GALNT13: variants seen among roughly 807,000 people sequenced by gnomAD.
The protein encoded by GALNT13 is UDP-GalNAc:polypeptide N-acetylgalactosaminyltransferase 13.
GALNT13 carries 28 observed loss-of-function variants against 64.2 expected under a neutral mutation model. That is an observed-to-expected ratio of 0.44 (90% CI 0.32 to 0.60). The LOEUF (loss-of-function observed/expected upper bound fraction) is 0.60. GALNT13 is among the 20% of genes least tolerant of loss of function. The pLI, the probability that GALNT13 is intolerant of heterozygous loss-of-function variation, is 0.05. For synonymous variants in GALNT13, 214 were observed against 224.6 expected (o/e 0.95, Z 0.42); for missense variants, 577 against 669.8 (o/e 0.86, Z 1.53).
At chr2:153,572,636 T>C in the GALNT13 span, among the ~76,000 whole-genome samples, 1 of 151,974 alleles carries the variant, frequency 6.6e-6, no homozygotes, top group African/African-American at 2.4e-5. Context: ...TTTGGTATGT[T>C]GTGTGTCTAT....
At chr2:153,426,376 A>C in the GALNT13 span, among the ~76,000 whole-genome samples, 6 of 151,980 alleles carry the variant, frequency 3.9e-5, no homozygotes, top group African/African-American at 1.4e-4. Flanking sequence ...CTAAATGATT[A>C]CTACCAAGTG....
At chr2:154,382,153 C>T (rs1698302538) in intron 9 of GALNT13, among the ~76,000 whole-genome samples, 1 of 152,042 alleles carries the variant, frequency 6.6e-6, no homozygotes, top group African/African-American at 2.4e-5. Flanking sequence ...CCTTCAGCTG[C>T]CCAATCCCCT....
the GALNT13 span, among the ~76,000 whole-genome samples, chr2:153,748,034 G>GT: frequency 2.6e-5 from 4 of 152,094 alleles, no homozygotes; most frequent in Non-Finnish European, 5.9e-5. Flanking sequence ...TATATGCATT[G>GT]TAAGTATATA....
the GALNT13 span, among the ~76,000 whole-genome samples, chr2:153,716,204 A>G: frequency 6.6e-6 from 1 of 152,202 alleles, no homozygotes; most frequent in African/African-American, 2.4e-5. Context: ...AGTTCCATGG[A>G]AGAGCTTTAG....
the GALNT13 span, among the ~76,000 whole-genome samples, chr2:153,373,442 C>T: frequency 0.051 from 7,781 of 152,204 alleles, 248 homozygotes; most frequent in African/African-American, 0.06. Context: ...TCCTGTGCCT[C>T]GCCATCTACC....
chr2:153,319,337 T>C, the GALNT13 span, among the ~76,000 whole-genome samples: 1 of 152,226 alleles, frequency 6.6e-6, no homozygotes, highest in Admixed American at 6.5e-5. Flanking sequence ...TGCAGTGCCA[T>C]GATCATGGCT....
chr2:153,291,562 C>A, the GALNT13 span, among the ~76,000 whole-genome samples: 1 of 152,104 alleles, frequency 6.6e-6, no homozygotes, highest in Non-Finnish European at 1.5e-5. Context: ...TCATCCCCAC[C>A]ACCATGCTGG....
intron 3 of GALNT13, among the ~76,000 whole-genome samples, chr2:153,997,442 TG>T (rs1235858478): frequency 6.6e-6 from 1 of 150,794 alleles, no homozygotes. Context: ...CTATTATAAA[TG>T]GGGTAACTTT....
At chr2:153,312,001 A>G in the GALNT13 span, among the ~76,000 whole-genome samples, 2 of 152,226 alleles carry the variant, frequency 1.3e-5, no homozygotes, top group Non-Finnish European at 2.9e-5. Context: ...AATGTGTATC[A>G]TTTGAATTTT....
the GALNT13 span, among the ~76,000 whole-genome samples, chr2:153,604,797 A>C: frequency 2.0e-4 from 30 of 152,140 alleles, no homozygotes; most frequent in Non-Finnish European, 3.2e-4. Context: ...TAGTTTTTCT[A>C]TTTACATAAA....
At chr2:153,614,788 T>C in the GALNT13 span, among the ~76,000 whole-genome samples, 1 of 152,104 alleles carries the variant, frequency 6.6e-6, no homozygotes, top group Admixed American at 6.6e-5. Flanking sequence ...ATGGGGTACA[T>C]GAGATGTTTT....
chr2:154,378,198 G>C (rs568722970), intron 9 of GALNT13, among the ~76,000 whole-genome samples: 1 of 152,144 alleles, frequency 6.6e-6, no homozygotes, highest in East Asian at 1.9e-4. Context: ...ACATTCAAGA[G>C]GTTCACTGGG....
Position 153,938,532 on chromosome 2 carries a change from T to C in GALNT13, c.-104-5862T>C, listed in dbSNP as rs557140482. On this transcript the variant is annotated intron_variant, in intron 2 of 12. Coordinates refer to ENST00000392825, the MANE Select transcript of GALNT13 (RefSeq NM_052917.4). ...CCTGTTTGCATGTAGAAGTGGAGTA[T>C]AGGAAAGTGAATTTAACTAGCCAGT... 5.3e-5 allele frequency among the ~76,000 whole-genome samples: 8 copies of C among 152,270 alleles called. No individual in the cohort carries two copies. The East Asian group carries it at 1.5e-3, about 29-fold the overall frequency.
chr2:153,385,958 CT>C, the GALNT13 span, among the ~76,000 whole-genome samples: 8 of 151,880 alleles, frequency 5.3e-5, no homozygotes, highest in African/African-American at 1.9e-4. Context: ...TGAAAATCCA[CT>C]TTTCTGGATT....
chr2:153,486,221 C>T, the GALNT13 span, among the ~76,000 whole-genome samples: 1 of 152,160 alleles, frequency 6.6e-6, no homozygotes, highest in African/African-American at 2.4e-5. Flanking sequence ...AGGTGTGAGC[C>T]ACCGTGCCCA....
chr2:153,089,671 TTTTC>T, the GALNT13 span, among the ~76,000 whole-genome samples: 5 of 152,106 alleles, frequency 3.3e-5, no homozygotes, highest in South Asian at 1.0e-3. Context: ...TTTAATTCTT[TTTTC>T]TTTGTCTCTG....
At chr2:154,119,024 G>GT (rs1558968417) in intron 3 of GALNT13, among the ~76,000 whole-genome samples, 1 of 151,930 alleles carries the variant, frequency 6.6e-6, no homozygotes, top group Non-Finnish European at 1.5e-5. Flanking sequence ...TGAAAATGTT[G>GT]TTTTACTTAT....
the GALNT13 span, among the ~76,000 whole-genome samples, chr2:153,389,034 T>G: frequency 6.6e-6 from 1 of 152,058 alleles, no homozygotes; most frequent in South Asian, 2.1e-4. Flanking sequence ...TGCCGCAGAA[T>G]TCTGTCCTAG....
the GALNT13 span, among the ~76,000 whole-genome samples, chr2:153,235,818 T>C: frequency 6.6e-6 from 1 of 152,058 alleles, no homozygotes; most frequent in Non-Finnish European, 1.5e-5. Flanking sequence ...AGTACTCAAG[T>C]AAAAGGAAGA....
Sources: gnomAD v4.1 joint callset for allele counts (sites outside exome capture counted in the v4.1 genomes callset) on GRCh38, gnomAD v4.1.1 for gene constraint, MANE v1.5 for transcripts, NCBI Gene and HGNC (gene_info 2026-07-23, HGNC 2026-07-21) for gene names.